LUZP2: variants seen among roughly 807,000 people sequenced by gnomAD.
The protein encoded by LUZP2 is leucine zipper protein 2.
LUZP2 carries 52 observed loss-of-function variants against 51.6 expected under a neutral mutation model. That is an observed-to-expected ratio of 1.01 (90% CI 0.81 to 1.27). The LOEUF is 1.27. Ranked by LOEUF, LUZP2 falls within the 50% of genes most tolerant of loss-of-function variation. The pLI is 0.00. For missense variants in LUZP2, 436 were observed against 395.4 expected (o/e 1.10, Z -0.87); for synonymous variants, 154 against 137.3 (o/e 1.12, Z -0.85).
At chr11:24,510,997 T>A (rs1290722813) in intron 1 of LUZP2, among the ~76,000 whole-genome samples, 1 of 152,160 alleles carries the variant, frequency 6.6e-6, no homozygotes, top group Non-Finnish European at 1.5e-5. Flanking sequence ...GACACACTGC[T>A]TTCCTTTTAT....
At chr11:25,045,108 A>G (rs1376995638) in intron 9 of LUZP2, among the ~76,000 whole-genome samples, 2 of 150,096 alleles carry the variant, frequency 1.3e-5, no homozygotes, top group Non-Finnish European at 3.0e-5. Context: ...CCTAATGCTA[A>G]ATGACGAGTT....
chr11:24,707,062 TA>T (rs1455507155), intron 1 of LUZP2, among the ~76,000 whole-genome samples: 1 of 151,302 alleles, frequency 6.6e-6, no homozygotes, highest in Admixed American at 6.6e-5. Context: ...AAAAAGTATA[TA>T]TAACTATTTA....
intron 5 of LUZP2, among the ~76,000 whole-genome samples, chr11:24,897,389 C>T (rs530193062): frequency 7.9e-5 from 12 of 152,242 alleles, no homozygotes; most frequent in Admixed American, 5.9e-4. Flanking sequence ...TTTGGGTCTG[C>T]GTTGTTTTTA....
chr11:24,756,617 A>C (rs1872721), intron 4 of LUZP2, among the ~76,000 whole-genome samples: 151,746 of 152,308 alleles, frequency 1, 75,597 homozygotes, highest in Middle Eastern at 1. Flanking sequence ...CCCTTGACAC[A>C]AATTGTTTTG....
rs981467951 is a variant in LUZP2 at position 24,652,055 on chromosome 11, T to C, written c.63-77114T>C. Among the ~76,000 whole-genome samples the C allele has an allele frequency of 2.0e-5, 3 of 152,034 alleles. No individual in the cohort carries two copies. The South Asian group carries it at 6.2e-4, about 31-fold the overall frequency. On this transcript the variant is annotated intron_variant, in intron 1 of 11. Transcript: ENST00000336930. ...TATATGTGTGTACACATGTTGTATA[T>C]GTGTGTACACATGTTGTATATGTGT... is the stretch of plus-strand genomic sequence containing the variant.
chr11:24,999,664 A>C (rs1412847202), intron 9 of LUZP2, among the ~76,000 whole-genome samples: 5 of 152,244 alleles, frequency 3.3e-5, no homozygotes, highest in Non-Finnish European at 7.4e-5. Context: ...TCTGCCCAAA[A>C]TAGTGGCTAC....
intron 1 of LUZP2, among the ~76,000 whole-genome samples, chr11:24,546,091 G>T (rs1236762169): frequency 6.6e-6 from 1 of 151,996 alleles, no homozygotes. Context: ...CTTGCCTGTT[G>T]TTGGTGTATA....
intron 9 of LUZP2, among the ~76,000 whole-genome samples, chr11:25,040,739 G>T (rs1002429296): frequency 6.6e-6 from 1 of 152,086 alleles, no homozygotes; most frequent in African/African-American, 2.4e-5. Context: ...GAGATGAAAG[G>T]GGCATTGTCT....
At chr11:25,000,296 C>T (rs954235715) in intron 9 of LUZP2, among the ~76,000 whole-genome samples, 3 of 152,170 alleles carry the variant, frequency 2.0e-5, no homozygotes, top group Non-Finnish European at 4.4e-5. Context: ...AATCCTCCCT[C>T]TAAACAGGAC....
At chr11:24,987,852 A>G (rs960347400) in intron 9 of LUZP2, among the ~76,000 whole-genome samples, 3 of 151,958 alleles carry the variant, frequency 2.0e-5, no homozygotes, top group Admixed American at 1.3e-4. Context: ...ATCATAAGCC[A>G]AGGTTCTGAG....
At chr11:24,585,543 T>C (rs1433444754) in intron 1 of LUZP2, among the ~76,000 whole-genome samples, 2 of 152,178 alleles carry the variant, frequency 1.3e-5, no homozygotes, top group East Asian at 1.9e-4. Flanking sequence ...GCTGTTTTAC[T>C]TATCACACTC....
chr11:24,531,320 A>C (rs12291835), intron 1 of LUZP2, among the ~76,000 whole-genome samples: 21,670 of 150,570 alleles, frequency 0.14, 2,295 homozygotes, highest in African/African-American at 0.29. Context: ...TGCCACATAA[A>C]GATTCTACAT....
intron 1 of LUZP2, among the ~76,000 whole-genome samples, chr11:24,521,378 G>A (rs1169931970): frequency 6.6e-6 from 1 of 150,724 alleles, no homozygotes; most frequent in East Asian, 1.9e-4. Flanking sequence ...AGGTGGGGGT[G>A]GGGTGGGGTA....
intron 1 of LUZP2, among the ~76,000 whole-genome samples, chr11:24,552,173 T>C (rs1396849): frequency 0.35 from 53,060 of 151,864 alleles, 9,703 homozygotes; most frequent in Middle Eastern, 0.48. Flanking sequence ...ATTCAGTATC[T>C]TAAATAATAT....
Position 24,914,388 on chromosome 11 carries a change from G to C in LUZP2, c.460-88G>C, listed in dbSNP as rs1444918501. The C allele has an allele frequency of 4.1e-6, 4 of 979,114 alleles. No individual in the cohort carries two copies. The African/African-American group carries it at 5.0e-5, about 12-fold the overall frequency. The allele number at this position is 979,114 out of a possible 1,614,324, so 60.7% of individuals were successfully genotyped here. On this transcript the variant is annotated intron_variant, in intron 6 of 11. Coordinates refer to ENST00000336930, the MANE Select transcript of LUZP2 (RefSeq NM_001009909.4). ...ACTGTGCTTTGCTTGGCTGCAAAAT[G>C]TATTCCTGTGAAGTCTGAAAGTATT...
chr11:24,804,891 G>A (rs1378792006), intron 5 of LUZP2, among the ~76,000 whole-genome samples: 6 of 152,012 alleles, frequency 3.9e-5, no homozygotes, highest in African/African-American at 1.4e-4. Context: ...CCAGGCTGGA[G>A]TACAATGGTG....
intron 10 of LUZP2, among the ~76,000 whole-genome samples, chr11:25,051,934 C>A (rs2134025061): frequency 6.6e-6 from 1 of 152,178 alleles, no homozygotes; most frequent in Admixed American, 6.5e-5. Flanking sequence ...TTATTTGTTT[C>A]TCTCTTCTAC....
At chr11:24,556,359 A>G (rs1372285898) in intron 1 of LUZP2, among the ~76,000 whole-genome samples, 1 of 151,626 alleles carries the variant, frequency 6.6e-6, no homozygotes, top group South Asian at 2.1e-4. Context: ...TGCTAAAATT[A>G]TTGTCTAATA....
chr11:25,064,528 ATATACT>A (rs1858941583), intron 10 of LUZP2, among the ~76,000 whole-genome samples: 1 of 152,098 alleles, frequency 6.6e-6, no homozygotes, highest in Non-Finnish European at 1.5e-5. Context: ...GCATTAGAAG[ATATACT>A]TAACTTGTGA....
Sources: allele counts gnomAD v4.1 joint callset (sites outside exome capture counted in the v4.1 genomes callset), GRCh38; gene constraint gnomAD v4.1.1; transcripts MANE v1.5; gene names NCBI Gene and HGNC (gene_info 2026-07-23, HGNC 2026-07-21).